The following TMPRSS15 variants were observed in gnomAD, a reference collection of about 807,000 sequenced individuals.
TMPRSS15 encodes enteropeptidase.
In TMPRSS15, 128 loss-of-function variants were observed where a neutral mutation model predicts 125.3. The ratio of observed to expected loss-of-function variants is 1.02; its 90% CI spans 0.89 to 1.18. The LOEUF (loss-of-function observed/expected upper bound fraction) is 1.18, where lower values mean the gene tolerates loss of function less well. Among genes scored for constraint, TMPRSS15 ranks in the 50% most tolerant of loss-of-function variants. TMPRSS15 has a pLI of 0.00. For synonymous variants in TMPRSS15, 446 were observed against 423.2 expected (o/e 1.05, Z -0.66); for missense variants, 1,283 against 1,212.7 (o/e 1.06, Z -0.86).
At chr21:18,418,602 T>C (rs2076185455) in intron 1 of TMPRSS15, among the ~76,000 whole-genome samples, 1 of 152,218 alleles carries the variant, frequency 6.6e-6, no homozygotes, top group Non-Finnish European at 1.5e-5. Context: ...CCTGTAGCCC[T>C]GCCCATTCAT....
At chr21:18,281,721 A>ACAACTGTAGCTAG (rs1456964594) in intron 21 of TMPRSS15, among the ~76,000 whole-genome samples, 1 of 152,160 alleles carries the variant, frequency 6.6e-6, no homozygotes, top group East Asian at 1.9e-4. Flanking sequence ...GCTTTTTCAG[A>ACAACTGTAGCTAG]CAACTGTAGC....
chr21:18,298,137 TATAA>T (rs1269012998), intron 18 of TMPRSS15, among the ~76,000 whole-genome samples: 1 of 152,266 alleles, frequency 6.6e-6, no homozygotes, highest in Admixed American at 6.5e-5. Flanking sequence ...TTACCTGTTT[TATAA>T]ATGTGATTTT....
At chr21:18,284,056 T>C (rs1327799641) in intron 21 of TMPRSS15, among the ~76,000 whole-genome samples, 1 of 152,220 alleles carries the variant, frequency 6.6e-6, no homozygotes, top group Admixed American at 6.5e-5. Flanking sequence ...ATTTCCAAAA[T>C]TGTTTATTGT....
intron 1 of TMPRSS15, among the ~76,000 whole-genome samples, chr21:18,434,478 T>C (rs1428949500): frequency 6.6e-6 from 1 of 152,118 alleles, no homozygotes; most frequent in Non-Finnish European, 1.5e-5. Context: ...TAATATCCAT[T>C]TCTCTTAAAG....
At chr21:18,376,627 G>A (rs897698642) in intron 5 of TMPRSS15, among the ~76,000 whole-genome samples, 9 of 152,112 alleles carry the variant, frequency 5.9e-5, no homozygotes, top group Admixed American at 2.0e-4. Flanking sequence ...GGCTATTGCT[G>A]TAAGTAACAG....
rs1024893918 is a variant in TMPRSS15 at position 18,279,439 on chromosome 21, C to A, written c.2669-380G>T. Among the ~76,000 whole-genome samples, 6 of 148,954 alleles carry A rather than the reference C, an allele frequency of 4.0e-5. No homozygotes were observed. In the Admixed American group the frequency reaches 4.1e-4, roughly 10 times the overall value. ...CTCCCAGGTTCACGCCATTCTCCTG[C>A]CTCAGCTTCCCGAGTAGCTGGGACT... is the stretch of plus-strand genomic sequence containing the variant. On this transcript the variant is annotated intron_variant, in intron 22 of 24. Coordinates refer to ENST00000284885, the MANE Select transcript of TMPRSS15 (RefSeq NM_002772.3).
At chr21:18,410,407 G>A (rs1031633348) in intron 1 of TMPRSS15, among the ~76,000 whole-genome samples, 4 of 151,968 alleles carry the variant, frequency 2.6e-5, no homozygotes, top group African/African-American at 7.2e-5. Flanking sequence ...CATCTCCACT[G>A]GGATCCTGTA....
chr21:18,440,366 C>G (rs2076238428), intron 1 of TMPRSS15, among the ~76,000 whole-genome samples: 1 of 21,932 alleles, frequency 4.6e-5, no homozygotes, highest in Non-Finnish European at 1.0e-4. Flanking sequence ...GAGCGAAACT[C>G]CGTCTCAAAA....
chr21:18,333,709 G>A (rs987892110), intron 13 of TMPRSS15, among the ~76,000 whole-genome samples: 6 of 152,040 alleles, frequency 3.9e-5, no homozygotes, highest in Admixed American at 6.5e-5. Flanking sequence ...AGGTTGAGAC[G>A]GGTAATGATT....
intron 1 of TMPRSS15, among the ~76,000 whole-genome samples, chr21:18,418,838 G>A (rs1219016771): frequency 1.3e-5 from 2 of 152,216 alleles, no homozygotes; most frequent in Non-Finnish European, 2.9e-5. Flanking sequence ...TTCAGCGTAT[G>A]CTATACATGG....
At chr21:18,358,444 C>T (rs2075646594) in intron 8 of TMPRSS15, among the ~76,000 whole-genome samples, 1 of 151,756 alleles carries the variant, frequency 6.6e-6, no homozygotes, top group African/African-American at 2.4e-5. Flanking sequence ...TATTTGTCCA[C>T]CTATGTAAAT....
chr21:18,456,436 C>G (rs1310801842), intron 1 of TMPRSS15, among the ~76,000 whole-genome samples: 1 of 152,106 alleles, frequency 6.6e-6, no homozygotes, highest in Non-Finnish European at 1.5e-5. Context: ...CACATACACA[C>G]AAAGCCCACT....
At chr21:18,412,816 T>C (rs772084263) in intron 1 of TMPRSS15, among the ~76,000 whole-genome samples, 1 of 152,180 alleles carries the variant, frequency 6.6e-6, no homozygotes, top group Non-Finnish European at 1.5e-5. Context: ...ATTAAGTCAT[T>C]TTTTTACGAC....
chr21:18,452,858 A>G (rs1294957695), intron 1 of TMPRSS15, among the ~76,000 whole-genome samples: 2 of 152,234 alleles, frequency 1.3e-5, no homozygotes, highest in Non-Finnish European at 2.9e-5. Context: ...GAAGGTAAAT[A>G]TCTGTGGTAA....
In TMPRSS15 at chr21:18,341,403, G is replaced by A. The variant is rs147834777; in HGVS notation, c.1564+10C>T. On this transcript the variant is annotated intron_variant, in intron 13 of 24. Transcript: ENST00000284885. ...TTTAATAAGACAAAATACACATGAAGGTTACTTACTAGGAAGTTCTGGTGG... is the reference window on the plus strand; with the variant it reads ...TTTAATAAGACAAAATACACATGAAAGTTACTTACTAGGAAGTTCTGGTGG... The A allele has an allele frequency of 6.2e-7, 1 of 1,614,034 alleles. No individual in the cohort carries two copies. Among genetic ancestry groups the A allele is most frequent in the African/African-American group, 1.3e-5 (1 of 75,002 alleles).
intron 1 of TMPRSS15, among the ~76,000 whole-genome samples, chr21:18,425,093 C>G (rs1042522728): frequency 5.9e-5 from 9 of 151,500 alleles, no homozygotes; most frequent in African/African-American, 2.2e-4. Flanking sequence ...TAATATGATA[C>G]AGAATAGTAT....
At chr21:18,439,738 G>A (rs1292338772) in intron 1 of TMPRSS15, among the ~76,000 whole-genome samples, 3 of 152,154 alleles carry the variant, frequency 2.0e-5, no homozygotes, top group African/African-American at 7.2e-5. Context: ...GGAAAAAAAA[G>A]AGACTAGTTA....
intron 1 of TMPRSS15, among the ~76,000 whole-genome samples, chr21:18,458,057 G>C (rs1978476204): frequency 1.3e-5 from 2 of 152,108 alleles, no homozygotes; most frequent in African/African-American, 2.4e-5. Context: ...TGTGCTTGGT[G>C]CTACCATTTC....
intron 1 of TMPRSS15, among the ~76,000 whole-genome samples, chr21:18,412,275 T>C (rs1318624173): frequency 6.6e-6 from 1 of 152,206 alleles, no homozygotes; most frequent in East Asian, 1.9e-4. Flanking sequence ...AATGCTCTTT[T>C]ATCTAATTTC....
Sources: gnomAD v4.1 joint callset for allele counts (sites outside exome capture counted in the v4.1 genomes callset) on GRCh38, gnomAD v4.1.1 for gene constraint, MANE v1.5 for transcripts, NCBI Gene and HGNC (gene_info 2026-07-23, HGNC 2026-07-21) for gene names.